CSN1S1: variants seen among roughly 807,000 people sequenced by gnomAD.
The protein encoded by CSN1S1 is casein alpha s1, also known as alpha-S1-casein.
CSN1S1 carries 63 observed loss-of-function variants against 49.1 expected under a neutral mutation model. The ratio of observed to expected loss-of-function variants is 1.28; its 90% CI spans 1.05 to 1.58. CSN1S1 has a LOEUF of 1.58. Among genes scored for constraint, CSN1S1 ranks in the 40% most tolerant of loss-of-function variants. The pLI is 0.00. For missense variants in CSN1S1, 260 were observed against 224.7 expected (o/e 1.16, Z -1.01); for synonymous variants, 78 against 67.1 (o/e 1.16, Z -0.79).
rs1722791090 is a variant in CSN1S1 at position 69,936,538 on chromosome 4, T to C, written c.154-28T>C. The C allele has an allele frequency of 1.9e-6, 3 of 1,604,268 alleles. No homozygotes were observed. The Admixed American group carries it at 5.1e-5, about 27-fold the overall frequency. ...AAAGTTTGTTTTCATGAAAACATATTTTACAAGGTACACTTTATTGATTTT... is the reference window on the plus strand; with the variant it reads ...AAAGTTTGTTTTCATGAAAACATATCTTACAAGGTACACTTTATTGATTTT... On this transcript the variant is annotated intron_variant, in intron 6 of 15. Coordinates refer to ENST00000246891, the MANE Select transcript of CSN1S1 (RefSeq NM_001890.2).
At chr4:69,939,343 A>G in intron 10 of CSN1S1, 135 bp downstream of exon 10, 1 of 473,320 alleles carries the variant, frequency 2.1e-6, no homozygotes, top group Non-Finnish European at 3.8e-6. Flanking sequence ...TAGTTTTAGT[A>G]TGTGAGTAGC....
chr4:69,935,361 A>C (rs1722739244), intron 4 of CSN1S1, among the ~76,000 whole-genome samples: 1 of 151,752 alleles, frequency 6.6e-6, no homozygotes, highest in South Asian at 2.1e-4. Flanking sequence ...CAACATAACC[A>C]AACCCCGTCT....
At chr4:69,946,083 T>A (rs1442645010) in intron 15 of CSN1S1, 113 bp from the exon 16 acceptor site, 1 of 348,762 alleles carries the variant, frequency 2.9e-6, no homozygotes. Context: ...AATAACATTG[T>A]GAGCTTGTCT....
intron 9 of CSN1S1, 78 bp from the exon 10 acceptor site, chr4:69,939,098 C>A: frequency 1.9e-6 from 2 of 1,037,920 alleles, no homozygotes; most frequent in Non-Finnish European, 2.9e-6. Context: ...AAGCATTTCA[C>A]CATGATGACA....
At chr4:69,938,690 T>G in intron 9 of CSN1S1, among the ~76,000 whole-genome samples, 1 of 151,874 alleles carries the variant, frequency 6.6e-6, no homozygotes, top group Non-Finnish European at 1.5e-5. Flanking sequence ...AAAGTAAATA[T>G]TTCAAAGTAA....
At chr4:69,945,082 G>T (rs1723119729) in intron 15 of CSN1S1, 78 bp downstream of exon 15, 1 of 1,481,386 alleles carries the variant, frequency 6.8e-7, no homozygotes, top group African/African-American at 1.4e-5. Context: ...GATACCATAA[G>T]AACAGATTTA....
chr4:69,941,039 C>A lies in CSN1S1; in HGVS notation c.321C>A (p.Asn107Lys). The change falls in exon 12 of 16, where the codon AAC (asparagine) becomes AAA (lysine). Residue 107 changes from asparagine (N) to lysine (K), a missense_variant. Asn to Lys is a moderately conservative substitution (Grantham distance 94). Transcript: ENST00000246891. Reference sequence around the variant, plus strand: ...AATAGGAACAGTTTTGTAGACTGAACGAATACAACCAACTTCAGCTGGTAA... The same window carrying A: ...AATAGGAACAGTTTTGTAGACTGAAAGAATACAACCAACTTCAGCTGGTAA... The part of the protein sequence containing the change: ...SKCAEQFCRL[N>K]EYNQLQLQAA... 1.3e-6 allele frequency: 2 copies of A among 1,513,260 alleles called. No homozygotes were observed. The highest frequency in any genetic ancestry group is 1.2e-5 in the South Asian group (1 of 82,262). 93.7% of individuals were successfully genotyped at this position (1,513,260 alleles called of 1,614,324 possible). A position where few individuals can be genotyped will look rare whatever the true frequency, so the allele number is the denominator to read the frequency against.
At chr4:69,931,533 T>A (rs1254235786) in intron 1 of CSN1S1, among the ~76,000 whole-genome samples, 1 of 151,890 alleles carries the variant, frequency 6.6e-6, no homozygotes, top group Non-Finnish European at 1.5e-5. Flanking sequence ...TTCATGTCAT[T>A]TGGGCAACAA....
intron 1 of CSN1S1, among the ~76,000 whole-genome samples, chr4:69,932,045 G>C (rs1722624011): frequency 6.6e-6 from 1 of 151,764 alleles, no homozygotes; most frequent in African/African-American, 2.4e-5. Context: ...TTTTCATGAA[G>C]ACTCTAAAAG....
At chr4:69,932,481 T>C in intron 1 of CSN1S1, 63 bp from the exon 2 acceptor site, 1 of 1,450,108 alleles carries the variant, frequency 6.9e-7, no homozygotes, top group East Asian at 2.5e-5. Flanking sequence ...ATCAAGAATT[T>C]TTTTCAGGAA....
At chr4:69,938,478 C>A (rs1386228025) in intron 9 of CSN1S1, among the ~76,000 whole-genome samples, 1 of 151,518 alleles carries the variant, frequency 6.6e-6, no homozygotes, top group Non-Finnish European at 1.5e-5. Flanking sequence ...GAATCTATGG[C>A]AGCAATTACC....
chr4:69,945,517 G>A (rs1277569950), intron 15 of CSN1S1, among the ~76,000 whole-genome samples: 1 of 151,876 alleles, frequency 6.6e-6, no homozygotes, highest in African/African-American at 2.4e-5. Context: ...AGTAATCTCT[G>A]TTAAGTATAT....
chr4:69,932,795 G>A (rs1291453205), intron 2 of CSN1S1, among the ~76,000 whole-genome samples, 189 bp downstream of exon 2: 1 of 151,838 alleles, frequency 6.6e-6, no homozygotes, highest in Non-Finnish European at 1.5e-5. Flanking sequence ...TCCACTGAGA[G>A]CCTTAACTCT....
At chr4:69,934,265 T>C in intron 3 of CSN1S1, 21 bp downstream of exon 3, 1 of 1,607,112 alleles carries the variant, frequency 6.2e-7, no homozygotes, top group Admixed American at 1.7e-5. Flanking sequence ...TATTCTGCAT[T>C]CCAAGAACTC....
At position 69,942,492 on chromosome 4, in the gene CSN1S1, C is replaced by T. The variant is rs375397870; in HGVS notation, c.361-44C>T. 18 of 1,457,046 alleles carry T rather than the reference C, an allele frequency of 1.2e-5. No individual in the cohort carries two copies. In the African/African-American group the frequency reaches 2.4e-4, roughly 19 times the overall value. 90.3% of individuals were successfully genotyped at this position (1,457,046 alleles called of 1,614,324 possible). ...GCAATGTAAGATAAATGTGTTGTAC[C>T]AGAAGATGTCTAAGTAATTTAGAAT... On this transcript the variant is annotated intron_variant, in intron 13 of 15. Transcript: ENST00000246891.
In CSN1S1 at chr4:69,931,500, G is replaced by T. The variant is rs186607490; in HGVS notation, c.-13+383G>T. 1.8e-3 allele frequency among the ~76,000 whole-genome samples: 269 copies of T among 151,900 alleles called. 1 individual carries two copies. Among genetic ancestry groups the T allele is most frequent in the African/African-American group, 6.2e-3 (258 of 41,492 alleles). On this transcript the variant is annotated intron_variant, in intron 1 of 15. Transcript: ENST00000246891. ...ACCATAGCAAAAACCATTTCTAGCA[G>T]AATAGTTCAAGGCCATTTTTGTTTC...
In CSN1S1 at chr4:69,944,870, A is replaced by T; in HGVS notation, c.423A>T (p.Gln141His). ...HVQVPFQQLN[Q>H]LAAYPYAVWY... ...TCTAGCCTTTCCAGCAGCTCAACCAACTTGCTGCCTACCCCTATGCTGTTT... is the reference window on the plus strand; with the variant it reads ...TCTAGCCTTTCCAGCAGCTCAACCATCTTGCTGCCTACCCCTATGCTGTTT... Residue 141 changes from glutamine (Q) to histidine (H), a missense_variant, in exon 15 of 16, where the codon CAA (glutamine) becomes CAT (histidine). Gln to His is a conservative substitution (Grantham distance 24). Transcript: ENST00000246891. 6.2e-7 allele frequency: 1 copy of T among 1,612,650 alleles called. No individual in the cohort carries two copies. Among genetic ancestry groups the T allele is most frequent in the Non-Finnish European group, 8.5e-7 (1 of 1,179,104 alleles).
chr4:69,939,929 A>G, intron 10 of CSN1S1, 92 bp from the exon 11 acceptor site: 1 of 738,136 alleles, frequency 1.4e-6, no homozygotes. Context: ...CACTGCAATT[A>G]TTTAGTAATA....
rs865875655 is a variant in CSN1S1, at chr4:69,937,129, G to A, written c.204G>A (p.Arg68=). ...ATTGACTGTCTTGGCAGGATACTAG[G>A]AATGAGTCTACTCAGGTGAGACCCT... ...EKQTDEIKDT[R]NESTQNCVVA... is the part of the protein sequence containing the mutation. The change falls in exon 8 of 16, where the codon AGG becomes AGA. Residue 68 remains arginine (R), a synonymous_variant. Transcript: ENST00000246891. The A allele has an allele frequency of 1.3e-6, 2 of 1,541,796 alleles. No individual in the cohort carries two copies. Among genetic ancestry groups the A allele is most frequent in the Non-Finnish European group, 1.8e-6 (2 of 1,142,176 alleles).
Sources: allele counts gnomAD v4.1 joint callset (sites outside exome capture counted in the v4.1 genomes callset), GRCh38; gene constraint gnomAD v4.1.1; transcripts MANE v1.5; gene names NCBI Gene and HGNC (gene_info 2026-07-23, HGNC 2026-07-21).